The following GRK1 variants were observed in gnomAD, a reference collection of about 807,000 sequenced individuals.
The protein encoded by GRK1 is rhodopsin kinase GRK1.
A neutral mutation model predicts 41.7 loss-of-function variants in GRK1; 28 were observed. The observed-to-expected ratio is 0.67, with a 90% CI of 0.50 to 0.92. The LOEUF (loss-of-function observed/expected upper bound fraction) is 0.92. Ranked by LOEUF, GRK1 falls within the 40% of genes least tolerant of loss-of-function variation. GRK1 has a pLI of 0.00. For synonymous variants in GRK1, 327 were observed against 286.7 expected, an observed-to-expected ratio of 1.14 and a Z score of -1.42; for missense variants, 703 against 671.2, an observed-to-expected ratio of 1.05 and a Z score of -0.52.
chr13:113,655,466 A>C, the GRK1 span, among the ~76,000 whole-genome samples: 1 of 152,182 alleles, frequency 6.6e-6, no homozygotes, highest in African/African-American at 2.4e-5. Context: ...TCTTCTCAGA[A>C]GCAAGGGTGT....
the GRK1 span, chr13:113,654,885 A>G: frequency 1.2e-6 from 2 of 1,614,248 alleles, no homozygotes; most frequent in East Asian, 2.2e-5. Flanking sequence ...ATAGAGGCAC[A>G]GGGCGAAGAG....
intron 6 of GRK1, among the ~76,000 whole-genome samples, chr13:113,734,009 C>G: frequency 1.4e-5 from 1 of 72,874 alleles, no homozygotes; most frequent in East Asian, 3.0e-4. Flanking sequence ...TGTGCGTGTG[C>G]GTGCATGTGT....
chr13:113,731,188 C>A lies in GRK1; in HGVS notation c.1070-31C>A, dbSNP rs1164278263. On this transcript the variant is annotated intron_variant, in intron 4 of 6. Coordinates refer to ENST00000335678, the MANE Select transcript of GRK1 (RefSeq NM_002929.3). This position sits in a 1 kb window ranked among gnomAD's most constrained non-coding sequence, Gnocchi z 5.6. ...TGCGTGCCCACCATGGAGGTGACCACCTCTGAACCCGCAATGTCCCTTGCT... is the reference window on the plus strand; with the variant it reads ...TGCGTGCCCACCATGGAGGTGACCAACTCTGAACCCGCAATGTCCCTTGCT... The A allele has an allele frequency of 6.5e-7, 1 of 1,535,042 alleles. No homozygotes were observed. The highest frequency in any genetic ancestry group is 8.7e-7 in the Non-Finnish European group (1 of 1,145,592).
the GRK1 span, among the ~76,000 whole-genome samples, chr13:113,654,313 T>C: frequency 6.6e-6 from 1 of 152,242 alleles, no homozygotes; most frequent in Non-Finnish European, 1.5e-5. Context: ...ACGTCTGTCC[T>C]GTGGCCTCTG....
rs753470112 is a variant in GRK1, at chr13:113,671,594, T to C, written c.923T>C (p.Leu308Pro). ...TAQIICGLEH[L>P]HQRRIVYRDL... Reference sequence around the variant, plus strand: ...CAGATCATCTGCGGCCTGGAGCACCTGCACCAGAGGCGGATCGTCTACCGC... The same window carrying C: ...CAGATCATCTGCGGCCTGGAGCACCCGCACCAGAGGCGGATCGTCTACCGC... Residue 308 changes from leucine (L) to proline (P), a missense_variant, in exon 3 of 7, where the codon CTG (leucine) becomes CCG (proline). Leu to Pro is a moderately conservative substitution (Grantham distance 98, BLOSUM62 -3). Transcript: ENST00000335678. This position sits in a 1 kb window ranked among gnomAD's most constrained non-coding sequence, Gnocchi z 4.1. The C allele has an allele frequency of 6.5e-6, 5 of 774,956 alleles. No individual in the cohort carries two copies. Among genetic ancestry groups the C allele is most frequent in the Non-Finnish European group, 9.6e-6 (4 of 417,912 alleles). 48.0% of individuals were successfully genotyped at this position (774,956 alleles called of 1,614,324 possible). A position where few individuals can be genotyped will look rare whatever the true frequency, so the allele number is the denominator to read the frequency against.
the GRK1 span, among the ~76,000 whole-genome samples, chr13:113,659,422 C>G: frequency 2.3e-3 from 355 of 152,122 alleles, 1 homozygote; most frequent in Non-Finnish European, 3.9e-3. Flanking sequence ...CTCAGGGACC[C>G]GTGTAACCAA....
At chr13:113,728,559 T>C (rs1371690819) in intron 4 of GRK1, among the ~76,000 whole-genome samples, 1 of 152,144 alleles carries the variant, frequency 6.6e-6, no homozygotes, top group Non-Finnish European at 1.5e-5. Context: ...TGCCTGGCAC[T>C]CAGGGCAGGC....
intron 6 of GRK1, among the ~76,000 whole-genome samples, chr13:113,733,946 G>GTGTGTGCGCA (rs2049977165): frequency 7.3e-6 from 1 of 137,336 alleles, no homozygotes; most frequent in South Asian, 2.3e-4. Context: ...ACGTGTGTGC[G>GTGTGTGCGCA]TGTGTGTGCA....
Position 113,667,688 on chromosome 13 carries a change from A to G in GRK1, c.302A>G (p.Asp101Gly). 6.2e-7 allele frequency: 1 copy of G among 1,613,450 alleles called. No homozygotes were observed. ...GAGGACTATGACACGGCAGACAATG[A>G]CCTCCAGCCACAGAAGGCCCAGACC... ...DIEDYDTADN[D>G]LQPQKAQTIL... is the part of the protein sequence containing the mutation. The change falls in exon 1 of 7, where the codon GAC becomes GGC. Residue 101 changes from aspartate to glycine, a missense_variant. By Grantham distance (94) the Asp-to-Gly change is moderately conservative. Coordinates refer to ENST00000335678, the MANE Select transcript of GRK1 (RefSeq NM_002929.3). The surrounding 1 kb of genome is among the most constrained non-coding windows in gnomAD (Gnocchi z 7.5).
At position 113,731,717 on chromosome 13, in the gene GRK1, A is replaced by G. The variant is rs893340837; in HGVS notation, c.1194+374A>G. Among the ~76,000 whole-genome samples, 1 of 152,038 alleles carries G rather than the reference A, an allele frequency of 6.6e-6. No homozygotes were observed. Among genetic ancestry groups the G allele is most frequent in the Non-Finnish European group, 1.5e-5 (1 of 67,980 alleles). On this transcript the variant is annotated intron_variant, in intron 5 of 6. Transcript: ENST00000335678. This position sits in a 1 kb window ranked among gnomAD's most constrained non-coding sequence, Gnocchi z 5.6. ...GCGACTTATCCCACTGTTGCCCCAGACCCTGGGCAGTGGGACAAACCACCT... is the reference window on the plus strand; with the variant it reads ...GCGACTTATCCCACTGTTGCCCCAGGCCCTGGGCAGTGGGACAAACCACCT...
chr13:113,667,836 G>T lies in GRK1; in HGVS notation c.450G>T (p.Leu150=). ...EIQDGLFQPL[L]QATLAHLGQA... ...AGGACGGGCTCTTCCAGCCCCTGCT[G>T]CAGGCCACCCTGGCACACCTGGGCC... The change falls in exon 1 of 7, where the codon CTG becomes CTT. Residue 150 remains leucine, a synonymous_variant. Coordinates refer to ENST00000335678, the MANE Select transcript of GRK1 (RefSeq NM_002929.3). The surrounding 1 kb of genome is among the most constrained non-coding windows in gnomAD (Gnocchi z 7.5). 1 of 1,591,602 alleles carries T rather than the reference G, an allele frequency of 6.3e-7. No individual in the cohort carries two copies. The highest frequency in any genetic ancestry group is 1.1e-5 in the South Asian group (1 of 88,672).
intron 6 of GRK1, among the ~76,000 whole-genome samples, chr13:113,734,257 G>A (rs549203330): frequency 6.6e-6 from 1 of 152,244 alleles, no homozygotes; most frequent in Non-Finnish European, 1.5e-5. Context: ...TCACAGCAGT[G>A]ACTGCCAGAC....
chr13:113,733,881 ACGTGTGTG>A (rs1226487493), intron 6 of GRK1, among the ~76,000 whole-genome samples: 10 of 88,404 alleles, frequency 1.1e-4, no homozygotes, highest in Admixed American at 2.5e-4. Context: ...GTGTGTGCAT[ACGTGTGTG>A]CGTGTGTGTA....
At chr13:113,733,693 ATACATGTGTGCG>A (rs1174737785) in intron 6 of GRK1, among the ~76,000 whole-genome samples, 1 of 96,936 alleles carries the variant, frequency 1.0e-5, no homozygotes, top group Non-Finnish European at 2.0e-5. Flanking sequence ...GTATGTGTGC[ATACATGTGTGCG>A]TGTGTGCGCA....
At chr13:113,733,594 T>TGC (rs1327003660) in intron 6 of GRK1, among the ~76,000 whole-genome samples, 2 of 149,434 alleles carry the variant, frequency 1.3e-5, no homozygotes, top group Non-Finnish European at 3.0e-5. Flanking sequence ...TACGTGTGTG[T>TGC]GCATGTGTGC....
At chr13:113,734,051 CGT>C (rs765225068) in intron 6 of GRK1, among the ~76,000 whole-genome samples, 53 of 140,624 alleles carry the variant, frequency 3.8e-4, no homozygotes, top group East Asian at 1.2e-3. Flanking sequence ...TGTGTGCATA[CGT>C]GTGTGTGCAT....
the GRK1 span, among the ~76,000 whole-genome samples, chr13:113,657,020 G>A: frequency 2.0e-5 from 3 of 152,196 alleles, no homozygotes; most frequent in Non-Finnish European, 2.9e-5. Context: ...CTTCAAATGC[G>A]CCCATGACTC....
chr13:113,737,119 A>G lies in GRK1; in HGVS notation c.*1756A>G, dbSNP rs913020851. The G allele has an allele frequency of 2.0e-5, 3 of 152,598 alleles. No individual in the cohort carries two copies. Among genetic ancestry groups the G allele is most frequent in the Admixed American group, 2.0e-4 (3 of 15,296 alleles). The allele number at this position is 152,598 out of a possible 1,614,324, so 9.5% of individuals were successfully genotyped here. On this transcript the variant is annotated 3_prime_UTR_variant, in exon 7 of 7. Transcript: ENST00000335678. The stretch of plus-strand genomic sequence containing the variant: ...GAGAAGAGGACCCTGGCAATCCACA[A>G]TTTTGGAGATTTGCTGGCTGCAGCC...
At chr13:113,660,398 G>C in the GRK1 span, among the ~76,000 whole-genome samples, 1 of 152,198 alleles carries the variant, frequency 6.6e-6, no homozygotes, top group East Asian at 1.9e-4. Flanking sequence ...GTTCCCAGTG[G>C]GAAACCTAGA....
Sources: allele counts gnomAD v4.1 joint callset (sites outside exome capture counted in the v4.1 genomes callset), GRCh38; gene constraint gnomAD v4.1.1; non-coding constraint Gnocchi (gnomAD v3.1); transcripts MANE v1.5; gene names NCBI Gene and HGNC (gene_info 2026-07-23, HGNC 2026-07-21).